NUP50: variants seen among roughly 807,000 people sequenced by gnomAD.
NUP50 encodes nucleoporin 50, also known as nuclear pore complex protein Nup50.
A neutral mutation model predicts 36.8 loss-of-function variants in NUP50; 14 were observed. The observed-to-expected ratio is 0.38, with a 90% confidence interval of 0.25 to 0.59. NUP50 has a LOEUF of 0.59. Ranked by LOEUF, NUP50 falls within the 20% of genes least tolerant of loss-of-function variation. NUP50 has a pLI of 0.63. For synonymous variants in NUP50, 195 were observed against 210.8 expected (o/e 0.93, Z 0.65); for missense variants, 455 against 564.6 (o/e 0.81, Z 1.97).
intron 6 of NUP50, among the ~76,000 whole-genome samples, chr22:45,182,012 C>T (rs1298052813): frequency 6.6e-6 from 1 of 152,160 alleles, no homozygotes; most frequent in African/African-American, 2.4e-5. Context: ...AACAGGTCAC[C>T]ACATCCTGTG....
chr22:45,165,508 T>C (rs929742250), intron 1 of NUP50, among the ~76,000 whole-genome samples: 1 of 152,216 alleles, frequency 6.6e-6, no homozygotes, highest in African/African-American at 2.4e-5. Flanking sequence ...CCTTAAGTTC[T>C]TCATAACAGT....
At chr22:45,173,458 G>C (rs1014517521) in intron 3 of NUP50, among the ~76,000 whole-genome samples, 5 of 151,968 alleles carry the variant, frequency 3.3e-5, no homozygotes, top group Admixed American at 6.6e-5. Flanking sequence ...AGATACATGG[G>C]GGGAGGGACA....
chr22:45,183,085 C>CGGGGGGGGGGGGGGGGG (rs60488848), intron 6 of NUP50, among the ~76,000 whole-genome samples: 1 of 114,202 alleles, frequency 8.8e-6, no homozygotes, highest in Non-Finnish European at 1.8e-5. Flanking sequence ...GGGTTGGGGG[C>CGGGGGGGGGGGGGGGGG]GGGGGGGGGG....
At position 45,183,465 on chromosome 22, in the gene NUP50, AAAAC is replaced by A; in HGVS notation, c.1150_1153del (p.Lys384LeufsTer17). 2 of 1,612,478 alleles carry A rather than the reference AAAAC, an allele frequency of 1.2e-6. No homozygotes were observed. Among genetic ancestry groups the A allele is most frequent in the Non-Finnish European group, 1.7e-6 (2 of 1,179,262 alleles). ...AGAAAGGCATAGGTACTCTGCATTTAAAACCTACAGCAAATCAGAAGACACAGCT... is the reference window on the plus strand; with the variant it reads ...AGAAAGGCATAGGTACTCTGCATTTACTACAGCAAATCAGAAGACACAGCT... On this transcript the variant is annotated frameshift_variant, in exon 7 of 8. Transcript: ENST00000347635. LOFTEE classifies it high-confidence loss of function.
Position 45,184,762 on chromosome 22 carries a change from A to ATAAC in NUP50, c.*109_*112dup. 1.2e-6 allele frequency: 1 copy of ATAAC among 803,452 alleles called. No homozygotes were observed. The highest frequency in any genetic ancestry group is 2.0e-6 in the Non-Finnish European group (1 of 493,302). The allele number at this position is 803,452 out of a possible 1,614,324, so 49.8% of individuals were successfully genotyped here. A position where few individuals can be genotyped will look rare whatever the true frequency, so the allele number is the denominator to read the frequency against. On this transcript the variant is annotated 3_prime_UTR_variant, in exon 8 of 8. Coordinates refer to ENST00000347635, the MANE Select transcript of NUP50 (RefSeq NM_007172.4). ...TCTTTGACATTCTAAGAACTTATAG[A>ATAAC]TAACTTAAAACTTTTGTGAGGAAGA...
intron 7 of NUP50, 45 bp from the exon 8 acceptor site, chr22:45,184,408 C>G: frequency 6.5e-7 from 1 of 1,536,954 alleles, no homozygotes. Context: ...TTTGGTGGAG[C>G]TATAGCTTCT....
intron 3 of NUP50, among the ~76,000 whole-genome samples, chr22:45,173,327 G>A (rs1193757559): frequency 6.8e-6 from 1 of 148,048 alleles, no homozygotes; most frequent in Non-Finnish European, 1.5e-5. Flanking sequence ...TAAACCTCTT[G>A]AACTTCAGGT....
chr22:45,186,064 G>A lies in NUP50; in HGVS notation c.*1409G>A, dbSNP rs144156546. On this transcript the variant is annotated 3_prime_UTR_variant, in exon 8 of 8. Coordinates refer to ENST00000347635, the MANE Select transcript of NUP50 (RefSeq NM_007172.4). Reference sequence around the variant, plus strand: ...GTCTTTAGGTGTAAGGTTTGGCGCCGGGAGCAATTTTATGATCAAATATGA... The same window carrying A: ...GTCTTTAGGTGTAAGGTTTGGCGCCAGGAGCAATTTTATGATCAAATATGA... The A allele has an allele frequency of 9.5e-4, 144 of 152,312 alleles. No individual in the cohort carries two copies. Among genetic ancestry groups the A allele is most frequent in the African/African-American group, 3.3e-3 (136 of 41,566 alleles). 9.4% of individuals were successfully genotyped at this position (152,312 alleles called of 1,614,324 possible). A position where few individuals can be genotyped will look rare whatever the true frequency, so the allele number is the denominator to read the frequency against.
Position 45,175,933 on chromosome 22 carries a change from G to T in NUP50, c.193G>T (p.Val65Leu). Residue 65 changes from valine (V) to leucine (L), a missense_variant, in exon 4 of 8, where the codon GTG (valine) becomes TTG (leucine). Around this residue, in one of 3 missense-constraint regions of NUP50, gnomAD observed 166 missense variants for 202.8 expected, o/e 0.82. Transcript: ENST00000347635. The stretch of plus-strand genomic sequence containing the variant: ...AGCCTTTAAAGGTTTTAAAGGTTTG[G>T]TGGTACCTTCTGGAGGAGGACGCTT... ...GGAFKGFKGL[V>L]VPSGGGRFSG... 1 of 1,614,136 alleles carries T rather than the reference G, an allele frequency of 6.2e-7. No individual in the cohort carries two copies. The highest frequency in any genetic ancestry group is 1.1e-5 in the South Asian group (1 of 91,086).
intron 2 of NUP50, chr22:45,171,208 TA>T: frequency 8.9e-7 from 1 of 1,126,630 alleles, no homozygotes; most frequent in Non-Finnish European, 1.1e-6. Flanking sequence ...TTTATTTATT[TA>T]TTTTTTTGAG....
rs1267904993 is a variant in NUP50 at position 45,184,642 on chromosome 22, A to G, written c.1394A>G (p.Lys465Arg). The change falls in exon 8 of 8, where the codon AAA (lysine) becomes AGA (arginine). Residue 465 changes from lysine to arginine, a missense_variant. Physicochemically the swap from Lys to Arg is conservative, Grantham distance 26. Transcript: ENST00000347635. ...ADELHKILLE[K>R]KDA ...GAGTTGCACAAAATTTTACTGGAGA[A>G]AAAGGATGCCTGAACACGCAAAGTC... The G allele has an allele frequency of 1.2e-6, 2 of 1,612,534 alleles. No individual in the cohort carries two copies. Among genetic ancestry groups the G allele is most frequent in the East Asian group, 2.2e-5 (1 of 44,890 alleles).
Position 45,176,007 on chromosome 22 carries a change from G to T in NUP50, c.267G>T (p.Ser89=). Residue 89 remains serine, a synonymous_variant, in exon 4 of 8, where the codon TCG becomes TCT. Transcript: ENST00000347635. Reference sequence around the variant, plus strand: ...GAGGGAAGCCTTTGGAAGGACTGTCGAATGGAAACAACATAACCAGTGCCC... The same window carrying T: ...GAGGGAAGCCTTTGGAAGGACTGTCTAATGGAAACAACATAACCAGTGCCC... ...GAGGKPLEGL[S]NGNNITSAPP... 1 of 1,614,110 alleles carries T rather than the reference G, an allele frequency of 6.2e-7. No individual in the cohort carries two copies. Among genetic ancestry groups the T allele is most frequent in the South Asian group, 1.1e-5 (1 of 91,080 alleles).
Position 45,178,536 on chromosome 22 carries a change from C to A in NUP50, c.639C>A (p.Asn213Lys), listed in dbSNP as rs764139691. ...NSGRNSESES[N>K]KVAAETQSPS... Reference sequence around the variant, plus strand: ...GCAGGAATTCTGAAAGTGAATCTAACAAAGTGGCAGCTGAAACACAGTCTC... The same window carrying A: ...GCAGGAATTCTGAAAGTGAATCTAAAAAAGTGGCAGCTGAAACACAGTCTC... The change falls in exon 5 of 8, where the codon AAC becomes AAA. Residue 213 changes from asparagine to lysine, a missense_variant. Physicochemically the swap from Asn to Lys is moderately conservative, Grantham distance 94. Around this residue, in one of 3 missense-constraint regions of NUP50, gnomAD observed 287 missense variants for 345.5 expected, o/e 0.83. Coordinates refer to ENST00000347635, the MANE Select transcript of NUP50 (RefSeq NM_007172.4). 3.1e-6 allele frequency: 5 copies of A among 1,611,912 alleles called. No homozygotes were observed. The highest frequency in any genetic ancestry group is 4.2e-6 in the Non-Finnish European group (5 of 1,179,866).
intron 2 of NUP50, among the ~76,000 whole-genome samples, chr22:45,169,778 C>T (rs946994672): frequency 2.0e-5 from 3 of 152,130 alleles, no homozygotes; most frequent in Admixed American, 1.3e-4. Flanking sequence ...CTTAGTAGAC[C>T]GTGAAAGGGA....
At position 45,171,693 on chromosome 22, in the gene NUP50, C is replaced by G; in HGVS notation, c.153+10C>G. Reference sequence around the variant, plus strand: ...AAATGTTGGATTTGAAGTGAGTGCCCCCTTACAGCTCTTGCTATTAAATAC... The same window carrying G: ...AAATGTTGGATTTGAAGTGAGTGCCGCCTTACAGCTCTTGCTATTAAATAC... On this transcript the variant is annotated intron_variant, in intron 3 of 7. Transcript: ENST00000347635. The G allele has an allele frequency of 6.2e-7, 1 of 1,610,150 alleles. No homozygotes were observed. The highest frequency in any genetic ancestry group is 8.5e-7 in the Non-Finnish European group (1 of 1,176,448).
In NUP50 at chr22:45,187,487, C is replaced by T. The variant is rs1000564954; in HGVS notation, c.*2832C>T. ...GAAGAAAAACTAATATTCTACCTTA[C>T]TAGTAGAGTTCAAAACAAGTTTTCA... On this transcript the variant is annotated 3_prime_UTR_variant, in exon 8 of 8. Coordinates refer to ENST00000347635, the MANE Select transcript of NUP50 (RefSeq NM_007172.4). The T allele has an allele frequency of 2.6e-5, 4 of 151,240 alleles. No individual in the cohort carries two copies. The highest frequency in any genetic ancestry group is 9.7e-5 in the African/African-American group (4 of 41,226). 9.4% of individuals were successfully genotyped at this position (151,240 alleles called of 1,614,324 possible).
chr22:45,174,217 G>A (rs1394105160), intron 3 of NUP50, among the ~76,000 whole-genome samples: 1 of 145,724 alleles, frequency 6.9e-6, no homozygotes, highest in Non-Finnish European at 1.5e-5. Context: ...GGTCTTTGTC[G>A]CCCAGGGTGG....
At chr22:45,170,983 T>C (rs1186280018) in intron 2 of NUP50, 1 of 1,304,012 alleles carries the variant, frequency 7.7e-7, no homozygotes. Context: ...ATTCCGACCC[T>C]ACAGGGTAAA....
intron 3 of NUP50, among the ~76,000 whole-genome samples, chr22:45,174,255 G>GAGT (rs1192208403): frequency 2.7e-5 from 4 of 149,990 alleles, no homozygotes; most frequent in African/African-American, 7.4e-5. Context: ...TTGACTCTCT[G>GAGT]CAACCGCCGC....
Sources: gnomAD v4.1 joint callset for allele counts (sites outside exome capture counted in the v4.1 genomes callset) on GRCh38, gnomAD v4.1.1 for gene constraint, gnomAD v4.1.1 regional missense constraint, MANE v1.5 for transcripts, NCBI Gene and HGNC (gene_info 2026-07-23, HGNC 2026-07-21) for gene names.